The following SNRNP40 variants were observed in gnomAD, a reference collection of about 807,000 sequenced individuals.
SNRNP40 encodes U5 small nuclear ribonucleoprotein 40 kDa protein.
In SNRNP40, 21 loss-of-function variants were observed where a neutral mutation model predicts 45.8. The observed-to-expected ratio is 0.46, with a 90% CI of 0.32 to 0.66. SNRNP40 has a LOEUF of 0.66. Ranked by LOEUF, SNRNP40 falls within the 30% of genes least tolerant of loss-of-function variation. SNRNP40 has a pLI of 0.03. For synonymous variants in SNRNP40, 142 were observed against 163.8 expected, an observed-to-expected ratio of 0.87 and a Z score of 1.01; for missense variants, 344 against 439.1, an observed-to-expected ratio of 0.78 and a Z score of 1.94.
intron 4 of SNRNP40, among the ~76,000 whole-genome samples, chr1:31,287,007 T>G (rs1646064498): frequency 6.6e-6 from 1 of 152,240 alleles, no homozygotes. Context: ...ATAAAAAGTT[T>G]GAAAACGATC....
chr1:31,260,863 C>CAAAAAA, intron 9 of SNRNP40: 3 of 473,158 alleles, frequency 6.3e-6, no homozygotes, highest in South Asian at 4.1e-5. Context: ...GACTCTGTCT[C>CAAAAAA]AAAAAAAAAA....
chr1:31,261,462 C>T, intron 9 of SNRNP40, 67 bp downstream of exon 9: 2 of 1,039,374 alleles, frequency 1.9e-6, no homozygotes, highest in Non-Finnish European at 1.5e-6. Context: ...GCTTTTGACT[C>T]TCTATTCCCA....
intron 5 of SNRNP40, among the ~76,000 whole-genome samples, chr1:31,277,730 TGTC>T (rs1009824801): frequency 1.3e-4 from 20 of 152,242 alleles, no homozygotes; most frequent in Non-Finnish European, 4.4e-5. Flanking sequence ...GGTCTCTCTC[TGTC>T]GTCTAGGCTG....
intron 4 of SNRNP40, among the ~76,000 whole-genome samples, chr1:31,283,762 C>T (rs1407192649): frequency 1.3e-5 from 2 of 152,204 alleles, no homozygotes; most frequent in Non-Finnish European, 2.9e-5. Flanking sequence ...TGCAAAGAAG[C>T]AAGTAACTAT....
chr1:31,284,026 C>T (rs1001777474), intron 4 of SNRNP40, among the ~76,000 whole-genome samples: 7 of 152,120 alleles, frequency 4.6e-5, no homozygotes, highest in African/African-American at 1.7e-4. Context: ...GAGTTAGCGA[C>T]CAGCCTGAGC....
At chr1:31,281,917 A>G (rs1646019061) in intron 4 of SNRNP40, 1 of 153,160 alleles carries the variant, frequency 6.5e-6, no homozygotes, top group Non-Finnish European at 1.5e-5. Flanking sequence ...AGTATAATAA[A>G]CAATGACAAA....
At position 31,271,414 on chromosome 1, in the gene SNRNP40, C is replaced by G; in HGVS notation, c.740G>C (p.Gly247Ala). 1 of 1,613,868 alleles carries G rather than the reference C, an allele frequency of 6.2e-7. No homozygotes were observed. The highest frequency in any genetic ancestry group is 1.1e-5 in the South Asian group (1 of 91,062). Residue 247 changes from glycine to alanine, a missense_variant, in exon 6 of 10, where the codon GGC (glycine) becomes GCC (alanine). This residue lies in a region of SNRNP40 where 254 missense variants were observed against 380.2 expected (regional missense o/e 0.67). Coordinates refer to ENST00000263694, the MANE Select transcript of SNRNP40 (RefSeq NM_004814.3). ...CATTGCATTGGACAAAAGATAAGAG[C>G]CTTCAGAACTTAAACTCAGGCCAGT... Reference protein sequence around the residue: ...SVTGLSLSSEGSYLLSNAMDN... With the variant: ...SVTGLSLSSEASYLLSNAMDN...
rs190351877 is a variant in SNRNP40 at position 31,294,102 on chromosome 1, C to A, written c.142-754G>T. Among the ~76,000 whole-genome samples the A allele has an allele frequency of 2.3e-3, 351 of 152,036 alleles. 1 individual carries two copies. The highest frequency in any genetic ancestry group is 4.1e-3 in the Non-Finnish European group (277 of 67,988). ...CCTCCCGAGCAGCCAAGATTACAGG[C>A]ATGCACAACCACGCCCGGCTAATTT... On this transcript the variant is annotated intron_variant, in intron 1 of 9. Transcript: ENST00000263694.
chr1:31,271,260 C>G lies in SNRNP40; in HGVS notation c.775+119G>C, dbSNP rs573918877. ...AGATCTGAGACTACAGTCCTAGATTCTTGACTATCTCACCTAAAGCTTTCC... is the reference window on the plus strand; with the variant it reads ...AGATCTGAGACTACAGTCCTAGATTGTTGACTATCTCACCTAAAGCTTTCC... On this transcript the variant is annotated intron_variant, in intron 6 of 9. Transcript: ENST00000263694. 4 of 1,027,164 alleles carry G rather than the reference C, an allele frequency of 3.9e-6. No individual in the cohort carries two copies. In the East Asian group the frequency reaches 9.7e-5, roughly 25 times the overall value. The allele number at this position is 1,027,164 out of a possible 1,614,324, so 63.6% of individuals were successfully genotyped here.
chr1:31,262,614 G>A (rs1262947112), intron 8 of SNRNP40, among the ~76,000 whole-genome samples: 1 of 150,248 alleles, frequency 6.7e-6, no homozygotes, highest in Non-Finnish European at 1.5e-5. Flanking sequence ...GCACAGTGAC[G>A]TTTCCAAGGC....
chr1:31,296,400 C>G (rs1025734397), intron 1 of SNRNP40, among the ~76,000 whole-genome samples: 1 of 152,184 alleles, frequency 6.6e-6, no homozygotes, highest in Non-Finnish European at 1.5e-5. Context: ...TCAGGGCAGT[C>G]GAGAGGCTGA....
chr1:31,285,610 T>A (rs1646052175), intron 4 of SNRNP40, among the ~76,000 whole-genome samples: 1 of 152,102 alleles, frequency 6.6e-6, no homozygotes, highest in Admixed American at 6.6e-5. Flanking sequence ...ACCATCAAAA[T>A]CAAGAAATAC....
At position 31,271,697 on chromosome 1, in the gene SNRNP40, G is replaced by T. The variant is rs750204755; in HGVS notation, c.655-198C>A. On this transcript the variant is annotated intron_variant, in intron 5 of 9. Coordinates refer to ENST00000263694, the MANE Select transcript of SNRNP40 (RefSeq NM_004814.3). ...ACAGCGTCTCACTCTGTTGCCCAGT[G>T]CAGTGGCACTATCATGGCTCGCTGT... Among the ~76,000 whole-genome samples the T allele has an allele frequency of 2.0e-5, 3 of 151,218 alleles. No individual in the cohort carries two copies. In the East Asian group the frequency reaches 5.8e-4, roughly 29 times the overall value.
intron 5 of SNRNP40, among the ~76,000 whole-genome samples, chr1:31,274,656 A>C (rs10914340): frequency 6.6e-6 from 1 of 150,686 alleles, no homozygotes; most frequent in Non-Finnish European, 1.5e-5. Context: ...AAAAAAAAAA[A>C]AAAAAAAAAC....
intron 6 of SNRNP40, among the ~76,000 whole-genome samples, chr1:31,270,533 T>A (rs1645930178): frequency 2.0e-5 from 3 of 152,198 alleles, no homozygotes; most frequent in African/African-American, 7.2e-5. Flanking sequence ...ATACCTATAG[T>A]GGAATTTCAG....
At chr1:31,296,479 T>C (rs180963574) in intron 1 of SNRNP40, 132 bp downstream of exon 1, 16 of 1,239,938 alleles carry the variant, frequency 1.3e-5, no homozygotes, top group Non-Finnish European at 1.8e-5. Context: ...ACAGTGTTTA[T>C]GTGCTTTAAC....
chr1:31,286,324 A>C (rs1308435257), intron 4 of SNRNP40, among the ~76,000 whole-genome samples: 1 of 152,132 alleles, frequency 6.6e-6, no homozygotes, highest in Non-Finnish European at 1.5e-5. Flanking sequence ...GCCTCCCATT[A>C]AATTCAATAT....
At chr1:31,281,664 G>C (rs4949374) in intron 4 of SNRNP40, 168 bp from the exon 5 acceptor site, 286,598 of 494,058 alleles carry the variant, frequency 0.58, 86,073 homozygotes, top group Non-Finnish European at 0.64. Context: ...TAAGCAGTGT[G>C]CTCAATTTTG....
chr1:31,259,984 T>TG lies in SNRNP40; in HGVS notation c.*87dup. 1.1e-6 allele frequency: 1 copy of TG among 950,268 alleles called. No homozygotes were observed. Among genetic ancestry groups the TG allele is most frequent in the African/African-American group, 1.6e-5 (1 of 62,018 alleles). The allele number at this position is 950,268 out of a possible 1,614,324, so 58.9% of individuals were successfully genotyped here. On this transcript the variant is annotated 3_prime_UTR_variant, in exon 10 of 10. Coordinates refer to ENST00000263694, the MANE Select transcript of SNRNP40 (RefSeq NM_004814.3). ...TAGCAATGGTCATCTGAAGGGAGGG[T>TG]GCTAGCCTGGACATCCAACATTTGG... is the stretch of plus-strand genomic sequence containing the variant.
Sources: gnomAD v4.1 joint callset for allele counts (sites outside exome capture counted in the v4.1 genomes callset) on GRCh38, gnomAD v4.1.1 for gene constraint, gnomAD v4.1.1 regional missense constraint, MANE v1.5 for transcripts, NCBI Gene and HGNC (gene_info 2026-07-23, HGNC 2026-07-21) for gene names.